The following GRIA2 variants were observed in gnomAD, a reference collection of about 807,000 sequenced individuals.
The protein encoded by GRIA2 is glutamate receptor 2.
In GRIA2, 14 loss-of-function variants were observed where a neutral mutation model predicts 97.3. The observed-to-expected ratio is 0.14, with a 90% CI of 0.10 to 0.23. The LOEUF is 0.23. GRIA2 is among the 10% of genes least tolerant of loss of function. The probability of loss-of-function intolerance (pLI) is 1.00; values close to 1 mark genes in which losing one functional copy is unlikely to be tolerated. For synonymous variants in GRIA2, 412 were observed against 387.8 expected, an observed-to-expected ratio of 1.06 and a Z score of -0.73; for missense variants, 558 against 1,069.8, an observed-to-expected ratio of 0.52 and a Z score of 6.67.
rs971901720 is a variant in GRIA2, at chr4:157,332,968, A to T, written c.1032A>T (p.Ile344=). 1 of 1,608,730 alleles carries T rather than the reference A, an allele frequency of 6.2e-7. No individual in the cohort carries two copies. Among genetic ancestry groups the T allele is most frequent in the African/African-American group, 1.3e-5 (1 of 74,666 alleles). ...PAVPWGQGVE[I]ERALKQVQVE... is the part of the protein sequence containing the mutation. ...TGCCCTGGGGACAAGGTGTAGAAAT[A>T]GAAAGGGCCCTCAAACAGGTCAGTT... The change falls in exon 7 of 16, where the codon ATA becomes ATT. Residue 344 remains isoleucine, a synonymous_variant. Transcript: ENST00000264426.
intron 2 of GRIA2, among the ~76,000 whole-genome samples, chr4:157,298,343 G>T (rs1579342438): frequency 6.6e-6 from 1 of 152,132 alleles, no homozygotes; most frequent in East Asian, 1.9e-4. Flanking sequence ...TGCAATGAAA[G>T]AAGTAGAATA....
intron 2 of GRIA2, among the ~76,000 whole-genome samples, chr4:157,282,520 C>T (rs530464974): frequency 3.3e-5 from 5 of 151,846 alleles, no homozygotes; most frequent in African/African-American, 4.8e-5. Flanking sequence ...CATGGATTTC[C>T]GAAGACCTGG....
In GRIA2 at chr4:157,361,325, T is replaced by C. The variant is rs1736623020; in HGVS notation, c.2406+201T>C. Among the ~76,000 whole-genome samples, 1 of 152,152 alleles carries C rather than the reference T, an allele frequency of 6.6e-6. No homozygotes were observed. The highest frequency in any genetic ancestry group is 2.4e-5 in the African/African-American group (1 of 41,442). ...TCTTTCTCCATATCTCAAGGAAAAA[T>C]TTGTAACTAATGGATTTGTTGCAAA... On this transcript the variant is annotated intron_variant, in intron 14 of 15. Transcript: ENST00000264426. The surrounding 1 kb of genome is among the most constrained non-coding windows in gnomAD (Gnocchi z 5.2).
Position 157,312,707 on chromosome 4 carries a change from T to C in GRIA2, c.498T>C (p.Asp166=). The C allele has an allele frequency of 6.2e-7, 1 of 1,610,638 alleles. No individual in the cohort carries two copies. The highest frequency in any genetic ancestry group is 8.5e-7 in the Non-Finnish European group (1 of 1,177,842). Residue 166 remains aspartate (D), a synonymous_variant, in exon 4 of 16, where the codon GAT becomes GAC. Coordinates refer to ENST00000264426, the MANE Select transcript of GRIA2 (RefSeq NM_001083619.3). ...RGLSTLQAVL[D]SAAEKKWQVT... is the part of the protein sequence containing the mutation. Reference sequence around the variant, plus strand: ...TATCAACACTGCAAGCTGTGCTGGATTCTGCTGCTGAAAAGAAATGGCAAG... The same window carrying C: ...TATCAACACTGCAAGCTGTGCTGGACTCTGCTGCTGAAAAGAAATGGCAAG...
chr4:157,322,847 G>C (rs370438832), intron 6 of GRIA2, among the ~76,000 whole-genome samples: 1 of 152,270 alleles, frequency 6.6e-6, no homozygotes, highest in Admixed American at 6.5e-5. Context: ...TTTGATGCTA[G>C]GTGCATGACT....
chr4:157,308,546 T>A (rs1416568510), intron 3 of GRIA2, among the ~76,000 whole-genome samples: 2 of 152,196 alleles, frequency 1.3e-5, no homozygotes, highest in Non-Finnish European at 2.9e-5. Flanking sequence ...CTCAACAGTT[T>A]TGTTTTAAGT....
At chr4:157,327,040 C>T (rs1488383609) in intron 6 of GRIA2, among the ~76,000 whole-genome samples, 1 of 152,102 alleles carries the variant, frequency 6.6e-6, no homozygotes, top group African/African-American at 2.4e-5. Flanking sequence ...TTTGTTACAT[C>T]TGCCTTTTCT....
At chr4:157,357,724 T>A (rs1736455267) in intron 12 of GRIA2, among the ~76,000 whole-genome samples, 1 of 152,090 alleles carries the variant, frequency 6.6e-6, no homozygotes, top group Non-Finnish European at 1.5e-5. Context: ...TAATATATCT[T>A]CTAAATGATT....
At chr4:157,243,969 G>A (rs534231476) in intron 2 of GRIA2, among the ~76,000 whole-genome samples, 1 of 152,092 alleles carries the variant, frequency 6.6e-6, no homozygotes, top group East Asian at 1.9e-4. Flanking sequence ...CTTGAGAAAT[G>A]CACTTTAAAG....
intron 2 of GRIA2, among the ~76,000 whole-genome samples, chr4:157,270,792 T>C (rs1731986386): frequency 6.6e-6 from 1 of 151,986 alleles, no homozygotes; most frequent in Non-Finnish European, 1.5e-5. Flanking sequence ...AAGCGAAGCA[T>C]TGAGGTTAAT....
At chr4:157,247,720 A>G (rs760808162) in intron 2 of GRIA2, among the ~76,000 whole-genome samples, 2 of 152,094 alleles carry the variant, frequency 1.3e-5, no homozygotes, top group Non-Finnish European at 2.9e-5. Flanking sequence ...TATCCAATGA[A>G]TGTAGAAATG....
At chr4:157,357,990 T>G (rs1421197334) in intron 12 of GRIA2, among the ~76,000 whole-genome samples, 2 of 152,110 alleles carry the variant, frequency 1.3e-5, no homozygotes, top group African/African-American at 4.8e-5. Context: ...CTTGGAAAAA[T>G]TGACATTTAA....
chr4:157,257,059 T>G (rs2126758402), intron 2 of GRIA2, among the ~76,000 whole-genome samples: 1 of 152,184 alleles, frequency 6.6e-6, no homozygotes, highest in African/African-American at 2.4e-5. Flanking sequence ...ATTAAAAAGC[T>G]AATCAAAGTT....
chr4:157,247,587 C>T (rs1730788220), intron 2 of GRIA2, among the ~76,000 whole-genome samples: 1 of 152,102 alleles, frequency 6.6e-6, no homozygotes, highest in South Asian at 2.1e-4. Flanking sequence ...AGACCTGAGC[C>T]ACGAAGGTGA....
intron 2 of GRIA2, among the ~76,000 whole-genome samples, chr4:157,253,421 T>G (rs1187279607): frequency 6.6e-6 from 1 of 152,072 alleles, no homozygotes; most frequent in African/African-American, 2.4e-5. Flanking sequence ...CTGGCCCCTT[T>G]TTGTTTTAAT....
chr4:157,239,438 A>G (rs932093012), intron 2 of GRIA2, among the ~76,000 whole-genome samples: 16 of 152,074 alleles, frequency 1.1e-4, no homozygotes, highest in African/African-American at 2.4e-5. Flanking sequence ...ACAGAGGAAG[A>G]CAGAATGGAA....
chr4:157,348,114 CA>C (rs1383997345), intron 12 of GRIA2, among the ~76,000 whole-genome samples: 63 of 140,328 alleles, frequency 4.5e-4, no homozygotes, highest in South Asian at 4.6e-4. Flanking sequence ...GGCTCTGTCT[CA>C]AAAAAAAAAA....
chr4:157,342,540 G>A, intron 12 of GRIA2: 4 of 606,210 alleles, frequency 6.6e-6, no homozygotes, highest in Non-Finnish European at 8.3e-6. Flanking sequence ...GCAGATTTTA[G>A]AATGAATCTT....
At chr4:157,318,886 T>C (rs967075809) in intron 5 of GRIA2, among the ~76,000 whole-genome samples, 2 of 152,128 alleles carry the variant, frequency 1.3e-5, no homozygotes, top group African/African-American at 4.8e-5. Flanking sequence ...TATCACATTG[T>C]TACATCAGAA....
Sources: allele counts gnomAD v4.1 joint callset (sites outside exome capture counted in the v4.1 genomes callset), GRCh38; gene constraint gnomAD v4.1.1; non-coding constraint Gnocchi (gnomAD v3.1); transcripts MANE v1.5; gene names NCBI Gene and HGNC (gene_info 2026-07-23, HGNC 2026-07-21).